Variants in KCND2 observed in about 807,000 individuals in gnomAD.
The protein encoded by KCND2 is potassium voltage-gated channel subfamily D member 2.
KCND2 carries 16 observed loss-of-function variants against 54.4 expected under a neutral mutation model. That is an observed-to-expected ratio of 0.29 (90% CI 0.20 to 0.45). KCND2 has a LOEUF of 0.45. KCND2 is among the 20% of genes least tolerant of loss of function. KCND2 has a pLI of 1.00. For synonymous variants in KCND2, 317 were observed against 310.7 expected (o/e 1.02, Z -0.21); for missense variants, 486 against 824.2 (o/e 0.59, Z 5.02).
At chr7:120,345,480 G>A (rs1000686910) in intron 1 of KCND2, among the ~76,000 whole-genome samples, 1 of 152,030 alleles carries the variant, frequency 6.6e-6, no homozygotes, top group East Asian at 1.9e-4. Flanking sequence ...ATGTGCAACC[G>A]ACCTCTAGAA....
chr7:120,560,008 A>T (rs1792214062), intron 1 of KCND2, among the ~76,000 whole-genome samples: 1 of 152,194 alleles, frequency 6.6e-6, no homozygotes, highest in Non-Finnish European at 1.5e-5. Context: ...AAGTTTCTAT[A>T]CACTGTGGTA....
chr7:120,300,979 A>C (rs982132609), intron 1 of KCND2, among the ~76,000 whole-genome samples: 1 of 152,134 alleles, frequency 6.6e-6, no homozygotes, highest in African/African-American at 2.4e-5. Flanking sequence ...AAAGGGGCCC[A>C]CAAAGGTAAA....
Position 120,369,143 on chromosome 7 carries a change from T to A in KCND2, c.1115+93396T>A, listed in dbSNP as rs185718589. On this transcript the variant is annotated intron_variant, in intron 1 of 5. Transcript: ENST00000331113. ...TTTGGTGGGTTGAGATTTTTTTTTT[T>A]AAATAGAAAGTTTTGACAAGCATAA... is the stretch of plus-strand genomic sequence containing the variant. 1.4e-3 allele frequency among the ~76,000 whole-genome samples: 216 copies of A among 152,002 alleles called. 5 individuals carry two copies. The East Asian group carries it at 0.026, about 18-fold the overall frequency.
rs1055763224 is a variant in KCND2 at position 120,274,337 on chromosome 7, G to A, written c.-296G>A. 7.5e-6 allele frequency: 4 copies of A among 535,894 alleles called. No individual in the cohort carries two copies. The highest frequency in any genetic ancestry group is 1.3e-5 in the Non-Finnish European group (4 of 298,728). 33.2% of individuals were successfully genotyped at this position (535,894 alleles called of 1,614,324 possible). On this transcript the variant is annotated 5_prime_UTR_variant, in exon 1 of 6. It adds an upstream start codon to the 5' untranslated region. Coordinates refer to ENST00000331113, the MANE Select transcript of KCND2 (RefSeq NM_012281.3). Reference sequence around the variant, plus strand: ...AACGGCTGCACCTGTGTGCTTATTTGTGCCAGAGGGTGGCCTAGCCCACCT... The same window carrying A: ...AACGGCTGCACCTGTGTGCTTATTTATGCCAGAGGGTGGCCTAGCCCACCT...
intron 1 of KCND2, among the ~76,000 whole-genome samples, chr7:120,295,823 T>C (rs577717195): frequency 1.1e-4 from 16 of 152,126 alleles, no homozygotes; most frequent in Admixed American, 7.9e-4. Context: ...GGTGCAAGTG[T>C]AGGGGAAGCT....
At chr7:120,701,987 G>A (rs774852397) in intron 1 of KCND2, among the ~76,000 whole-genome samples, 1 of 152,062 alleles carries the variant, frequency 6.6e-6, no homozygotes, top group Non-Finnish European at 1.5e-5. Context: ...CTTCTGTACA[G>A]CAAGAGAAAC....
At chr7:120,476,692 C>T (rs143468086) in intron 1 of KCND2, among the ~76,000 whole-genome samples, 270 of 152,192 alleles carry the variant, frequency 1.8e-3, no homozygotes, top group African/African-American at 6.1e-3. Flanking sequence ...CATAACCTCA[C>T]GAATTTCATC....
intron 1 of KCND2, among the ~76,000 whole-genome samples, chr7:120,281,294 A>G (rs1404277380): frequency 6.6e-6 from 1 of 151,766 alleles, no homozygotes; most frequent in East Asian, 1.9e-4. Context: ...TATGTCTTAT[A>G]TTGTTTTCTA....
At position 120,366,914 on chromosome 7, in the gene KCND2, A is replaced by T. The variant is rs184101532; in HGVS notation, c.1115+91167A>T. Among the ~76,000 whole-genome samples the T allele has an allele frequency of 2.0e-3, 305 of 152,198 alleles. 3 individuals are homozygous for T. The highest frequency in any genetic ancestry group is 6.7e-3 in the African/African-American group (278 of 41,566). On this transcript the variant is annotated intron_variant, in intron 1 of 5. Transcript: ENST00000331113. ...TAATAGTTGTTGACCTTATCTATCC[A>T]TTCCTTTCTTCCTCCCTCCCTTTCT...
chr7:120,589,330 G>T (rs1223678031), intron 1 of KCND2, among the ~76,000 whole-genome samples: 5 of 152,082 alleles, frequency 3.3e-5, no homozygotes, highest in Non-Finnish European at 7.4e-5. Context: ...AAAAATTTAG[G>T]CCTAAAATTT....
chr7:120,282,719 G>A (rs758435446), intron 1 of KCND2, among the ~76,000 whole-genome samples: 64 of 152,124 alleles, frequency 4.2e-4, no homozygotes, highest in African/African-American at 1.5e-3. Context: ...TAATTCTTCC[G>A]TCTTCTTCAT....
At chr7:120,503,764 C>A (rs1341656933) in intron 1 of KCND2, among the ~76,000 whole-genome samples, 1 of 151,950 alleles carries the variant, frequency 6.6e-6, no homozygotes, top group Admixed American at 6.6e-5. Flanking sequence ...AGTAGGTCTA[C>A]TTTATATGAA....
Position 120,274,095 on chromosome 7 carries a change from A to T in KCND2, c.-538A>T, listed in dbSNP as rs1799132316. ...CGGCTGTGACCGCATCTCCTGAGCT[A>T]CAACAACAGGTCGCCTTTTTGAGAC... On this transcript the variant is annotated 5_prime_UTR_variant, in exon 1 of 6. Transcript: ENST00000331113. 6.3e-6 allele frequency: 1 copy of T among 159,236 alleles called. No homozygotes were observed. The highest frequency in any genetic ancestry group is 1.8e-4 in the South Asian group (1 of 5,592). 9.9% of individuals were successfully genotyped at this position (159,236 alleles called of 1,614,324 possible). A position where few individuals can be genotyped will look rare whatever the true frequency, so the allele number is the denominator to read the frequency against.
At chr7:120,431,834 A>G (rs1007518812) in intron 1 of KCND2, among the ~76,000 whole-genome samples, 6 of 151,830 alleles carry the variant, frequency 4.0e-5, no homozygotes, top group African/African-American at 9.7e-5. Flanking sequence ...TCTTTTCTCT[A>G]TCTCTCACAC....
At chr7:120,667,535 A>C (rs144298464) in intron 1 of KCND2, among the ~76,000 whole-genome samples, 1 of 152,134 alleles carries the variant, frequency 6.6e-6, no homozygotes, top group African/African-American at 2.4e-5. Context: ...AGGTCGATGC[A>C]TGTATGTCAT....
chr7:120,582,751 G>T (rs1433225026), intron 1 of KCND2, among the ~76,000 whole-genome samples: 1 of 151,926 alleles, frequency 6.6e-6, no homozygotes, highest in African/African-American at 2.4e-5. Context: ...TCATCTCTTG[G>T]TCAGTTTTTG....
At chr7:120,574,378 A>G (rs979621147) in intron 1 of KCND2, among the ~76,000 whole-genome samples, 1 of 152,224 alleles carries the variant, frequency 6.6e-6, no homozygotes, top group African/African-American at 2.4e-5. Context: ...TAAAATTCCA[A>G]TGGCAATACT....
At chr7:120,334,822 A>C (rs1176302749) in intron 1 of KCND2, among the ~76,000 whole-genome samples, 1 of 152,218 alleles carries the variant, frequency 6.6e-6, no homozygotes, top group Non-Finnish European at 1.5e-5. Context: ...ATATGTAAGC[A>C]ATTCAGGCAT....
intron 1 of KCND2, among the ~76,000 whole-genome samples, chr7:120,674,264 C>G (rs1253854337): frequency 6.6e-6 from 1 of 152,076 alleles, no homozygotes; most frequent in East Asian, 1.9e-4. Flanking sequence ...TGTGGATAGT[C>G]TTACTTAAAT....
Sources: allele counts gnomAD v4.1 joint callset (sites outside exome capture counted in the v4.1 genomes callset), GRCh38; gene constraint gnomAD v4.1.1; transcripts MANE v1.5; gene names NCBI Gene and HGNC (gene_info 2026-07-23, HGNC 2026-07-21).